Variants in TFAP2D observed in about 807,000 individuals in gnomAD.
The protein encoded by TFAP2D is transcription factor AP-2 delta.
A neutral mutation model predicts 43.6 loss-of-function variants in TFAP2D; 9 were observed. The ratio of observed to expected loss-of-function variants is 0.21; its 90% confidence interval spans 0.12 to 0.36. The LOEUF (loss-of-function observed/expected upper bound fraction) is 0.36. Among genes scored for constraint, TFAP2D ranks in the 10% least tolerant of loss-of-function variants. The pLI is 1.00. For synonymous variants in TFAP2D, 256 were observed against 224.9 expected, an observed-to-expected ratio of 1.14 and a Z score of -1.24; for missense variants, 513 against 561.4, an observed-to-expected ratio of 0.91 and a Z score of 0.87.
intron 2 of TFAP2D, among the ~76,000 whole-genome samples, chr6:50,716,503 G>A (rs1768630446): frequency 6.6e-6 from 1 of 151,870 alleles, no homozygotes; most frequent in Admixed American, 6.6e-5. Context: ...AGGAAAGAAG[G>A]CAGGTATTCA....
intron 5 of TFAP2D, among the ~76,000 whole-genome samples, 176 bp downstream of exon 5, chr6:50,729,488 G>A (rs1768853386): frequency 6.6e-6 from 1 of 152,116 alleles, no homozygotes; most frequent in African/African-American, 2.4e-5. Flanking sequence ...TTAAGATTTA[G>A]ATAATTCATA....
At chr6:50,742,897 C>T (rs1394317188) in intron 5 of TFAP2D, among the ~76,000 whole-genome samples, 1 of 150,262 alleles carries the variant, frequency 6.7e-6, no homozygotes, top group Non-Finnish European at 1.5e-5. Context: ...AATAATCTCC[C>T]TTCTATCATT....
intron 7 of TFAP2D, among the ~76,000 whole-genome samples, chr6:50,769,373 G>A (rs763198912): frequency 5.9e-5 from 9 of 152,158 alleles, no homozygotes; most frequent in East Asian, 1.9e-4. Flanking sequence ...AGTGCCTGAC[G>A]TCAAAGCCAG....
chr6:50,738,114 C>A (rs898834609), intron 5 of TFAP2D, among the ~76,000 whole-genome samples: 2 of 151,822 alleles, frequency 1.3e-5, no homozygotes, highest in Admixed American at 6.6e-5. Flanking sequence ...TTTATCATTG[C>A]TTATTTGATT....
Position 50,772,871 on chromosome 6 carries a change from C to G in TFAP2D, c.*7C>G. ...AACAGAAAAGACAGACTAGCTACAT[C>G]AAACAGAATCTATTTCCAGAGAGTC... On this transcript the variant is annotated 3_prime_UTR_variant, in exon 8 of 8. Transcript: ENST00000008391. 1 of 1,605,986 alleles carries G rather than the reference C, an allele frequency of 6.2e-7. No homozygotes were observed. Among genetic ancestry groups the G allele is most frequent in the East Asian group, 2.3e-5 (1 of 44,362 alleles).
intron 2 of TFAP2D, among the ~76,000 whole-genome samples, chr6:50,716,507 G>A (rs1297034894): frequency 6.6e-6 from 1 of 151,818 alleles, no homozygotes; most frequent in African/African-American, 2.4e-5. Context: ...AAGAAGGCAG[G>A]TATTCAGACA....
At chr6:50,742,579 TA>T (rs916973644) in intron 5 of TFAP2D, among the ~76,000 whole-genome samples, 4 of 52,098 alleles carry the variant, frequency 7.7e-5, no homozygotes, top group African/African-American at 2.3e-4. Context: ...CACACATAGA[TA>T]GATAGATAGA....
At chr6:50,753,163 C>T (rs1266500082) in intron 7 of TFAP2D, among the ~76,000 whole-genome samples, 1 of 151,696 alleles carries the variant, frequency 6.6e-6, no homozygotes, top group Non-Finnish European at 1.5e-5. Context: ...GGTTTGATTC[C>T]GGATTTAAAG....
intron 5 of TFAP2D, among the ~76,000 whole-genome samples, chr6:50,741,699 TAA>T (rs140519366): frequency 7.1e-6 from 1 of 139,870 alleles, no homozygotes. Flanking sequence ...TGTATTAAAT[TAA>T]AAAAAAAAGG....
chr6:50,765,815 T>G (rs1769433432), intron 7 of TFAP2D, among the ~76,000 whole-genome samples: 1 of 152,200 alleles, frequency 6.6e-6, no homozygotes, highest in Non-Finnish European at 1.5e-5. Context: ...TTCCATGGGT[T>G]GCCTTTTCAT....
chr6:50,741,146 A>G (rs892255619), intron 5 of TFAP2D, among the ~76,000 whole-genome samples: 1 of 152,080 alleles, frequency 6.6e-6, no homozygotes, highest in African/African-American at 2.4e-5. Context: ...TACTATTGAA[A>G]AGATGAATAT....
In TFAP2D at chr6:50,714,022, GA is replaced by G; in HGVS notation, c.-31del. The G allele has an allele frequency of 1.2e-6, 2 of 1,611,846 alleles. No individual in the cohort carries two copies. Among genetic ancestry groups the G allele is most frequent in the Non-Finnish European group, 1.7e-6 (2 of 1,179,488 alleles). ...TTTCCCGATTCTTTTTTTGGAGGGG[GA>G]AATTGCATCGTAAGCTTTCGGAGAA... On this transcript the variant is annotated 5_prime_UTR_variant, in exon 1 of 8. Transcript: ENST00000008391.
Position 50,751,303 on chromosome 6 carries a change from A to G in TFAP2D, c.1118A>G (p.Gln373Arg), listed in dbSNP as rs1216741293. The change falls in exon 7 of 8, where the codon CAG becomes CGG. Residue 373 changes from glutamine to arginine, a missense_variant. Physicochemically the swap from Gln to Arg is conservative, Grantham distance 43 (BLOSUM62 1). This residue lies in a region of TFAP2D where 199 missense variants were observed against 227.9 expected (regional missense o/e 0.87). Transcript: ENST00000008391. ...RPTPILDLDIQRHLTHFSLIT... is the reference protein window; with the variant it reads ...RPTPILDLDIRRHLTHFSLIT... ...ACTCCAATTCTAGACCTTGACATCCAGAGACATTTAACACATTTCAGGTAA... is the reference window on the plus strand; with the variant it reads ...ACTCCAATTCTAGACCTTGACATCCGGAGACATTTAACACATTTCAGGTAA... 1 of 1,610,766 alleles carries G rather than the reference A, an allele frequency of 6.2e-7. No homozygotes were observed. Among genetic ancestry groups the G allele is most frequent in the African/African-American group, 1.3e-5 (1 of 74,754 alleles).
chr6:50,724,316 G>A (rs978351837), intron 3 of TFAP2D, among the ~76,000 whole-genome samples: 6 of 152,290 alleles, frequency 3.9e-5, no homozygotes, highest in Admixed American at 3.3e-4. Flanking sequence ...AGATGAAGAA[G>A]GGGAGAAGAA....
intron 5 of TFAP2D, 60 bp from the exon 6 acceptor site, chr6:50,745,046 GA>G: frequency 6.3e-7 from 1 of 1,588,612 alleles, no homozygotes. Flanking sequence ...CAAAATGCAA[GA>G]CACTACTGTT....
intron 3 of TFAP2D, among the ~76,000 whole-genome samples, chr6:50,724,690 A>G (rs1391617048): frequency 2.0e-5 from 3 of 151,978 alleles, no homozygotes; most frequent in Non-Finnish European, 4.4e-5. Context: ...GTAGCCTGGG[A>G]TGAGAAGAGA....
At chr6:50,717,838 T>C (rs1347466487) in intron 2 of TFAP2D, among the ~76,000 whole-genome samples, 1 of 152,210 alleles carries the variant, frequency 6.6e-6, no homozygotes, top group Non-Finnish European at 1.5e-5. Flanking sequence ...GGAGGGAGTG[T>C]GTGGGAGAAA....
At chr6:50,758,470 T>C (rs1351173693) in intron 7 of TFAP2D, among the ~76,000 whole-genome samples, 1 of 151,956 alleles carries the variant, frequency 6.6e-6, no homozygotes, top group Admixed American at 6.6e-5. Context: ...TCCCTCCCAC[T>C]TTCTAAAGGC....
intron 3 of TFAP2D, among the ~76,000 whole-genome samples, chr6:50,721,721 C>A (rs1314122584): frequency 1.3e-5 from 2 of 152,212 alleles, no homozygotes; most frequent in Admixed American, 6.5e-5. Flanking sequence ...ATGTCTGTTT[C>A]TTTTCCAGCT....
Sources: allele counts gnomAD v4.1 joint callset (sites outside exome capture counted in the v4.1 genomes callset), GRCh38; gene constraint gnomAD v4.1.1; regional missense constraint gnomAD v4.1.1; transcripts MANE v1.5; gene names NCBI Gene and HGNC (gene_info 2026-07-23, HGNC 2026-07-21).